The following C2 variants were observed in gnomAD, a reference collection of about 807,000 sequenced individuals.
The protein encoded by C2 is complement C2.
C2 carries 64 observed loss-of-function variants against 85.2 expected under a neutral mutation model. The ratio of observed to expected loss-of-function variants is 0.75; its 90% CI spans 0.61 to 0.92. The LOEUF (loss-of-function observed/expected upper bound fraction) is 0.92. Ranked by LOEUF, C2 falls within the 40% of genes least tolerant of loss-of-function variation. The pLI is 0.00. For missense variants in C2, 820 were observed against 971.6 expected, an observed-to-expected ratio of 0.84 and a Z score of 2.07; for synonymous variants, 311 against 370.8, an observed-to-expected ratio of 0.84 and a Z score of 1.85.
At chr6:31,901,439 T>C in intron 1 of C2, 1 of 1,008,208 alleles carries the variant, frequency 9.9e-7, no homozygotes, top group Non-Finnish European at 1.4e-6. Context: ...CTCCCGGTCT[T>C]CAGATTTCTT....
At chr6:31,903,435 G>A (rs1767513236) in intron 1 of C2, among the ~76,000 whole-genome samples, 1 of 152,098 alleles carries the variant, frequency 6.6e-6, no homozygotes, top group Non-Finnish European at 1.5e-5. Flanking sequence ...TTCGAGACCA[G>A]CCTGGCCAAC....
At chr6:31,924,022 G>A (rs1053766710), upstream of C2, among the ~76,000 whole-genome samples, 3 of 148,404 alleles carry the variant, frequency 2.0e-5, no homozygotes, top group African/African-American at 7.5e-5. Context: ...GGATTGTCTC[G>A]ATCTCCTGAC....
In C2 at chr6:31,901,306, T is replaced by G. The variant is rs1355486319; in HGVS notation, c.73+167T>G. 3.1e-6 allele frequency: 5 copies of G among 1,605,110 alleles called. No homozygotes were observed. The South Asian group carries it at 5.5e-5, about 18-fold the overall frequency. On this transcript the variant is annotated intron_variant, in intron 1 of 3. Transcript: ENST00000452202. ...GCAGGACTTCCACCCCAGAGGCCAT[T>G]GTGGCGGGGGTGGGCAACCCTGGTT...
chr6:31,916,621 GGC>G (rs1000154409), upstream of C2, among the ~76,000 whole-genome samples: 1 of 151,530 alleles, frequency 6.6e-6, no homozygotes, highest in Non-Finnish European at 1.5e-5. Context: ...GATTCCCCCA[GGC>G]CCTCCTGAGG....
intron 1 of C2, among the ~76,000 whole-genome samples, chr6:31,903,587 G>A (rs968213051): frequency 4.6e-5 from 7 of 152,064 alleles, no homozygotes; most frequent in Admixed American, 3.9e-4. Context: ...CCTAGATTGC[G>A]CCATTGCACT....
At chr6:31,909,616 T>G (rs1165358522) in intron 1 of C2, among the ~76,000 whole-genome samples, 1 of 151,674 alleles carries the variant, frequency 6.6e-6, no homozygotes, top group South Asian at 2.1e-4. Context: ...TTTTTTTTTT[T>G]GTAGAGATGA....
chr6:31,934,263 C>T lies in C2; in HGVS notation c.813C>T (p.Leu271=), dbSNP rs778123205. 1.2e-6 allele frequency: 2 copies of T among 1,614,144 alleles called. No individual in the cohort carries two copies. The highest frequency in any genetic ancestry group is 1.7e-6 in the Non-Finnish European group (2 of 1,180,012). Reference sequence around the variant, plus strand: ...AGAGTGTGTCGGAAAATGACTTTCTCATCTTCAAGGAGAGCGCCTCCCTCA... The same window carrying T: ...AGAGTGTGTCGGAAAATGACTTTCTTATCTTCAAGGAGAGCGCCTCCCTCA... The part of the protein sequence containing the change: ...CSQSVSENDF[L]IFKESASLMV... The change falls in exon 6 of 18, where the codon CTC becomes CTT. Residue 271 remains leucine, a synonymous_variant. Coordinates refer to ENST00000299367, the MANE Select transcript of C2 (RefSeq NM_000063.6).
chr6:31,926,634 A>AT (rs755865808), upstream of C2, among the ~76,000 whole-genome samples: 100 of 136,052 alleles, frequency 7.4e-4, 1 homozygote, highest in East Asian at 1.5e-3. Flanking sequence ...GCCCGGTCTT[A>AT]TTTTTTTTTT....
rs755381914 is a variant in C2, at chr6:31,943,209, A to T, written c.1361-16A>T. 2.5e-6 allele frequency: 4 copies of T among 1,612,602 alleles called. No individual in the cohort carries two copies. The South Asian group carries it at 4.4e-5, about 18-fold the overall frequency. ...CCTCACTTGCCTCCTTCCCCATCTG[A>T]TCCTCACACCCACAGATGTCTCCAA... On this transcript the variant is annotated splice_polypyrimidine_tract_variant and intron_variant, in intron 10 of 17. Transcript: ENST00000299367. This position sits in a 1 kb window ranked among gnomAD's most constrained non-coding sequence, Gnocchi z 6.4.
Position 31,904,157 on chromosome 6 carries a change from T to TCTGAAAGC in C2, c.73+3018_73+3019insCTGAAAGC, listed in dbSNP as rs1767563708. 6.6e-6 allele frequency among the ~76,000 whole-genome samples: 1 copy of TCTGAAAGC among 152,064 alleles called. No homozygotes were observed. The stretch of plus-strand genomic sequence containing the variant: ...CCCATCCTTAGCTCATCTGAAAGCA[T>TCTGAAAGC]TTTTATCTTGAAGGCCCTGATCTCT... On this transcript the variant is annotated intron_variant, in intron 1 of 3. Coordinates refer to the C2 transcript ENST00000452202. This position sits in a 1 kb window ranked among gnomAD's most constrained non-coding sequence, Gnocchi z 4.4.
intron 9 of C2, among the ~76,000 whole-genome samples, chr6:31,942,063 G>A (rs1341933535): frequency 6.6e-6 from 1 of 150,680 alleles, no homozygotes; most frequent in African/African-American, 2.4e-5. Context: ...TGATCTGCCC[G>A]CCTCAGCCTC....
At chr6:31,916,945 G>A (rs1375939978), upstream of C2, among the ~76,000 whole-genome samples, 3 of 151,258 alleles carry the variant, frequency 2.0e-5, no homozygotes, top group Admixed American at 1.3e-4. Flanking sequence ...GCCGAGGCGG[G>A]TGGATTACCT....
chr6:31,897,807 C>G, upstream of C2: 2 of 1,004,438 alleles, frequency 2.0e-6, no homozygotes, highest in Non-Finnish European at 1.2e-6. Flanking sequence ...AGAGCGGCCT[C>G]GGAGATGGCT....
At position 31,933,594 on chromosome 6, in the gene C2, C is replaced by G; in HGVS notation, c.443-16C>G. The G allele has an allele frequency of 6.2e-7, 1 of 1,612,808 alleles. No homozygotes were observed. Among genetic ancestry groups the G allele is most frequent in the Non-Finnish European group, 8.5e-7 (1 of 1,179,994 alleles). On this transcript the variant is annotated splice_polypyrimidine_tract_variant and intron_variant, in intron 3 of 17. Transcript: ENST00000299367. ...GAGGGGGCTACTCACCTCTGCCTTC[C>G]TTTGTTCACTCGCAGCTGGCCACTG... is the stretch of plus-strand genomic sequence containing the variant.
At chr6:31,927,606 A>C, upstream of C2, 2 of 1,582,834 alleles carry the variant, frequency 1.3e-6, no homozygotes, top group Admixed American at 3.5e-5. The surrounding 1 kb of genome is among the most constrained non-coding windows in gnomAD (Gnocchi z 4.7). Flanking sequence ...TATTTCCCTA[A>C]CAGAAGACCA....
upstream of C2, among the ~76,000 whole-genome samples, chr6:31,899,303 C>G (rs1005737557): frequency 2.7e-5 from 4 of 148,060 alleles, no homozygotes; most frequent in Non-Finnish European, 4.5e-5. Flanking sequence ...CCCCCACTTC[C>G]CAATATCTAC....
chr6:31,921,165 A>G lies in C2; in HGVS notation c.-100+1139A>G, dbSNP rs1259821542. 6.6e-6 allele frequency among the ~76,000 whole-genome samples: 1 copy of G among 152,158 alleles called. No homozygotes were observed. Among genetic ancestry groups the G allele is most frequent in the East Asian group, 1.9e-4 (1 of 5,202 alleles). On this transcript the variant is annotated intron_variant, in intron 1 of 3. Transcript: ENST00000413154. The surrounding 1 kb of genome is among the most constrained non-coding windows in gnomAD (Gnocchi z 4.6). ...TGACCCAATGTAAATATTTTTATTA[A>G]AAAAGAAATGGATGAGAAACCAAAG...
In C2 at chr6:31,927,886, T is replaced by C; in HGVS notation, c.47-69T>C. 6.3e-7 allele frequency: 1 copy of C among 1,588,990 alleles called. No homozygotes were observed. Among genetic ancestry groups the C allele is most frequent in the Middle Eastern group, 1.7e-4 (1 of 6,026 alleles). On this transcript the variant is annotated intron_variant, in intron 1 of 17. Transcript: ENST00000299367. This position sits in a 1 kb window ranked among gnomAD's most constrained non-coding sequence, Gnocchi z 4.7. Reference sequence around the variant, plus strand: ...ATTCCCATGTGTGAAACAGTCTCTTTTGCTTTCCTTTTCTCATCTGTGTCT... The same window carrying C: ...ATTCCCATGTGTGAAACAGTCTCTTCTGCTTTCCTTTTCTCATCTGTGTCT...
At chr6:31,899,161 TG>T (rs978581964), upstream of C2, among the ~76,000 whole-genome samples, 26 of 149,478 alleles carry the variant, frequency 1.7e-4, no homozygotes, top group African/African-American at 5.0e-4. Flanking sequence ...CTAAAAAATA[TG>T]TTTTTTCTTA....
Sources: allele counts gnomAD v4.1 joint callset (sites outside exome capture counted in the v4.1 genomes callset), GRCh38; gene constraint gnomAD v4.1.1; non-coding constraint Gnocchi (gnomAD v3.1); transcripts MANE v1.5; gene names NCBI Gene and HGNC (gene_info 2026-07-23, HGNC 2026-07-21).